MAGEA11: variants seen among roughly 807,000 people sequenced by gnomAD.
The protein encoded by MAGEA11 is MAGE family member A11.
A neutral mutation model predicts 8.4 loss-of-function variants in MAGEA11; 1 was observed. That is an observed-to-expected ratio of 0.12 (90% CI 0.04 to 0.57). The LOEUF is 0.57. Among genes scored for constraint, MAGEA11 ranks in the 20% least tolerant of loss-of-function variants. MAGEA11 has a pLI of 0.91. For missense variants in MAGEA11, 209 were observed against 317.3 expected (o/e 0.66, Z 2.59); for synonymous variants, 127 against 119.3 (o/e 1.06, Z -0.42).
rs2124307744 is a variant in MAGEA11, at chrX:149,716,026, C to T, written c.540C>T (p.Phe180=). The T allele has an allele frequency of 3.3e-6, 4 of 1,211,933 alleles. No individual in the cohort carries two copies. The highest frequency in any genetic ancestry group is 5.9e-5 in the East Asian group (2 of 33,832). ...CCCAGAGTCCTCAGGAAGAGTCCTT[C>T]TCTCCCACTGCCATGGATGCCATCT... The part of the protein sequence containing the change: ...SPPQSPQEES[F]SPTAMDAIFG... Residue 180 remains phenylalanine (F), a synonymous_variant, in exon 5 of 5, where the codon TTC becomes TTT. Coordinates refer to ENST00000355220, the MANE Select transcript of MAGEA11 (RefSeq NM_005366.5).
At chrX:149,694,511 CT>C (rs1163432580) in intron 1 of MAGEA11, among the ~76,000 whole-genome samples, 1 of 111,689 alleles carries the variant, frequency 9.0e-6, no homozygotes, top group Non-Finnish European at 1.9e-5. Context: ...TGTGAGTTGC[CT>C]TTTCAATTTT....
intron 1 of MAGEA11, among the ~76,000 whole-genome samples, chrX:149,696,458 C>T (rs2090330629): frequency 9.0e-6 from 1 of 110,877 alleles, no homozygotes; most frequent in African/African-American, 3.3e-5. Context: ...TGTGTAAAGT[C>T]ACGCATGGGA....
At position 149,714,276 on chromosome X, in the gene MAGEA11, TG is replaced by T. The variant is rs2090416150; in HGVS notation, c.97-203del. ...GGAAACCTTCAGGGAGATGAGGTCT[TG>T]GTGTAAAGGGATATGTCTGCTCATC... is the stretch of plus-strand genomic sequence containing the variant. On this transcript the variant is annotated intron_variant, in intron 2 of 4. Transcript: ENST00000355220. 7.7e-6 allele frequency: 4 copies of T among 521,595 alleles called. No individual in the cohort carries two copies. The Admixed American group carries it at 1.3e-4, about 17-fold the overall frequency. The allele number at this position is 521,595 out of a possible 1,213,427, so 43.0% of individuals were successfully genotyped here.
intron 1 of MAGEA11, among the ~76,000 whole-genome samples, chrX:149,705,225 A>G (rs1482144779): frequency 2.7e-5 from 3 of 112,018 alleles, no homozygotes; most frequent in Middle Eastern, 4.6e-3. Flanking sequence ...TTGTACTCCC[A>G]TAATTCCCAT....
intron 1 of MAGEA11, among the ~76,000 whole-genome samples, chrX:149,692,758 G>A (rs782745302): frequency 1.8e-5 from 2 of 111,785 alleles, no homozygotes; most frequent in African/African-American, 3.3e-5. Context: ...GAATTCCCAC[G>A]TGTTGTGGGA....
At chrX:149,689,295 G>A (rs1413650317) in intron 1 of MAGEA11, among the ~76,000 whole-genome samples, 1 of 111,369 alleles carries the variant, frequency 9.0e-6, no homozygotes, top group Non-Finnish European at 1.9e-5. Context: ...CTAATCTAGT[G>A]TGTTCTAGGC....
At chrX:149,701,102 G>A (rs1265783595) in intron 1 of MAGEA11, among the ~76,000 whole-genome samples, 1 of 111,635 alleles carries the variant, frequency 9.0e-6, no homozygotes, top group East Asian at 2.8e-4. Flanking sequence ...GGCTGGGTCA[G>A]ATGGTATTTC....
At chrX:149,690,858 G>A (rs1243458405) in intron 1 of MAGEA11, among the ~76,000 whole-genome samples, 1 of 111,160 alleles carries the variant, frequency 9.0e-6, no homozygotes. Context: ...TTCTAATTTT[G>A]CATTCCCGAA....
chrX:149,709,090 G>A (rs181004139), upstream of MAGEA11, among the ~76,000 whole-genome samples: 502 of 108,929 alleles, frequency 4.6e-3, 6 homozygotes, highest in African/African-American at 0.016. Flanking sequence ...TTCGAGACCC[G>A]TCTGGACAAT....
intron 2 of MAGEA11, 148 bp from the exon 3 acceptor site, chrX:149,714,333 C>T (rs782091592): frequency 3.3e-4 from 289 of 882,041 alleles, no homozygotes; most frequent in Middle Eastern, 8.4e-4. Context: ...AAGGACAGGC[C>T]CTGGCAGAAG....
chrX:149,697,648 C>A (rs1557360663), intron 1 of MAGEA11, among the ~76,000 whole-genome samples: 1 of 110,416 alleles, frequency 9.1e-6, no homozygotes, highest in African/African-American at 3.3e-5. Context: ...TCCTGGCTGG[C>A]TTGAGGCCTA....
intron 1 of MAGEA11, among the ~76,000 whole-genome samples, chrX:149,705,153 G>A (rs1246411154): frequency 8.9e-6 from 1 of 112,617 alleles, no homozygotes; most frequent in African/African-American, 3.2e-5. Flanking sequence ...CAGGGTAATT[G>A]GCACAGGGAA....
chrX:149,700,045 G>GA (rs2090345361), intron 1 of MAGEA11, among the ~76,000 whole-genome samples: 1 of 111,969 alleles, frequency 8.9e-6, no homozygotes, highest in South Asian at 3.7e-4. Context: ...AGCATGGGGG[G>GA]ACCCTCCCCC....
At chrX:149,707,645 C>T (rs1275138349), upstream of MAGEA11, among the ~76,000 whole-genome samples, 5 of 111,981 alleles carry the variant, frequency 4.5e-5, no homozygotes, top group Admixed American at 1.9e-4. Flanking sequence ...TTCTAACCTC[C>T]GTATTGTATC....
intron 3 of MAGEA11, 124 bp from the exon 4 acceptor site, chrX:149,715,480 C>A: frequency 2.1e-6 from 1 of 483,995 alleles, no homozygotes. Context: ...TACAAATGGC[C>A]CCACCTGCCC....
chrX:149,689,577 A>G (rs1417511735), intron 1 of MAGEA11, among the ~76,000 whole-genome samples: 1 of 112,439 alleles, frequency 8.9e-6, no homozygotes, highest in East Asian at 2.8e-4. Flanking sequence ...TCCTTTAGGC[A>G]GTGGGCCCTG....
chrX:149,701,818 T>C (rs2090355068), intron 1 of MAGEA11, among the ~76,000 whole-genome samples: 1 of 111,727 alleles, frequency 9.0e-6, no homozygotes, highest in African/African-American at 3.3e-5. Context: ...ATTTATTAAA[T>C]AGGGAATCCT....
chrX:149,715,866 A>G lies in MAGEA11; in HGVS notation c.380A>G (p.Gln127Arg), dbSNP rs782493488. The G allele has an allele frequency of 3.3e-6, 4 of 1,209,447 alleles. No individual in the cohort carries two copies. The African/African-American group carries it at 7.0e-5, about 21-fold the overall frequency. ...CACTGCAAGCCTGAGGAAGGCCTTCAGGCCCAAGAAGAAGACCTGGGCCTG... is the reference window on the plus strand; with the variant it reads ...CACTGCAAGCCTGAGGAAGGCCTTCGGGCCCAAGAAGAAGACCTGGGCCTG... ...SQHCKPEEGL[Q>R]AQEEDLGLVG... Residue 127 changes from glutamine to arginine, a missense_variant, in exon 5 of 5, where the codon CAG becomes CGG. By Grantham distance (43) the Gln-to-Arg change is conservative (BLOSUM62 1). Transcript: ENST00000355220.
chrX:149,701,908 T>C, intron 1 of MAGEA11, among the ~76,000 whole-genome samples: 1 of 112,001 alleles, frequency 8.9e-6, no homozygotes, highest in African/African-American at 3.2e-5. Flanking sequence ...AGGGCTCTGT[T>C]CTGTTCCATT....
Sources: allele counts gnomAD v4.1 joint callset (sites outside exome capture counted in the v4.1 genomes callset), GRCh38; gene constraint gnomAD v4.1.1; transcripts MANE v1.5; gene names NCBI Gene and HGNC (gene_info 2026-07-23, HGNC 2026-07-21).